The following KIRREL3 variants were observed in gnomAD, a reference collection of about 807,000 sequenced individuals.
KIRREL3 encodes kirre like nephrin family adhesion molecule 3, also known as kin of IRRE-like protein 3.
A neutral mutation model predicts 89.7 loss-of-function variants in KIRREL3; 36 were observed. That is an observed-to-expected ratio of 0.40 (90% CI 0.31 to 0.53). The LOEUF (loss-of-function observed/expected upper bound fraction) is 0.53, where lower values mean the gene tolerates loss of function less well. Among genes scored for constraint, KIRREL3 ranks in the 20% least tolerant of loss-of-function variants. The pLI, the probability that KIRREL3 is intolerant of heterozygous loss-of-function variation, is 0.49. For synonymous variants in KIRREL3, 445 were observed against 441.4 expected (o/e 1.01, Z -0.10); for missense variants, 864 against 1,056.6 (o/e 0.82, Z 2.53).
chr11:126,520,020 A>T lies in KIRREL3; in HGVS notation c.433+1295T>A, dbSNP rs1273525245. Among the ~76,000 whole-genome samples the T allele has an allele frequency of 6.6e-6, 1 of 152,120 alleles. No homozygotes were observed. Among genetic ancestry groups the T allele is most frequent in the Non-Finnish European group, 1.5e-5 (1 of 68,028 alleles). On this transcript the variant is annotated intron_variant, in intron 4 of 16. Coordinates refer to ENST00000525144, the MANE Select transcript of KIRREL3 (RefSeq NM_032531.4). The surrounding 1 kb of genome is among the most constrained non-coding windows in gnomAD (Gnocchi z 4.9). ...ACTCAAAGGTTGCAGGAGGTTTCTGAGGCTGGCCCCAAGTCCCTCCCCCGC... is the reference window on the plus strand; with the variant it reads ...ACTCAAAGGTTGCAGGAGGTTTCTGTGGCTGGCCCCAAGTCCCTCCCCCGC...
Position 126,432,964 on chromosome 11 carries a change from C to T in KIRREL3, c.1589-1438G>A, listed in dbSNP as rs184366215. Among the ~76,000 whole-genome samples the T allele has an allele frequency of 1.7e-3, 263 of 152,272 alleles. No individual in the cohort carries two copies. The highest frequency in any genetic ancestry group is 6.0e-3 in the African/African-American group (248 of 41,564). On this transcript the variant is annotated intron_variant, in intron 13 of 16. Transcript: ENST00000525144. The surrounding 1 kb of genome is among the most constrained non-coding windows in gnomAD (Gnocchi z 6.2). ...CACGATCTCAGTTCACTGCAACCTCCGCCTCCTGGGTTCAAGCGATTCTCC... is the reference window on the plus strand; with the variant it reads ...CACGATCTCAGTTCACTGCAACCTCTGCCTCCTGGGTTCAAGCGATTCTCC...
chr11:126,500,903 A>G (rs1957836954), intron 4 of KIRREL3, among the ~76,000 whole-genome samples: 1 of 152,224 alleles, frequency 6.6e-6, no homozygotes, highest in Non-Finnish European at 1.5e-5. Flanking sequence ...GAGTTCAAGT[A>G]TAATTTACTT....
rs1400356004 is a variant in KIRREL3, at chr11:126,905,540, G to T, written c.55+94915C>A. 1.3e-5 allele frequency among the ~76,000 whole-genome samples: 2 copies of T among 152,086 alleles called. No individual in the cohort carries two copies. Reference sequence around the variant, plus strand: ...TTCATCGCTCAGGGGTCAGAGGGTGGGGAGAGGGATCTTTCATTTTGGGCC... The same window carrying T: ...TTCATCGCTCAGGGGTCAGAGGGTGTGGAGAGGGATCTTTCATTTTGGGCC... On this transcript the variant is annotated intron_variant, in intron 1 of 16. Coordinates refer to ENST00000525144, the MANE Select transcript of KIRREL3 (RefSeq NM_032531.4). The surrounding 1 kb of genome is among the most constrained non-coding windows in gnomAD (Gnocchi z 5.0).
rs1293736035 is a variant in KIRREL3 at position 126,643,567 on chromosome 11, C to T, written c.56-80655G>A. Among the ~76,000 whole-genome samples the T allele has an allele frequency of 6.6e-6, 1 of 152,132 alleles. No individual in the cohort carries two copies. The highest frequency in any genetic ancestry group is 1.9e-4 in the East Asian group (1 of 5,188). On this transcript the variant is annotated intron_variant, in intron 1 of 16. Coordinates refer to ENST00000525144, the MANE Select transcript of KIRREL3 (RefSeq NM_032531.4). The surrounding 1 kb of genome is among the most constrained non-coding windows in gnomAD (Gnocchi z 4.5). Reference sequence around the variant, plus strand: ...AGGCGATATCATGGCAAATCTTTATCTCTACACTGATGATATAGACTTGAT... The same window carrying T: ...AGGCGATATCATGGCAAATCTTTATTTCTACACTGATGATATAGACTTGAT...
chr11:126,784,320 G>A (rs1180502208), intron 1 of KIRREL3, among the ~76,000 whole-genome samples: 1 of 152,210 alleles, frequency 6.6e-6, no homozygotes, highest in East Asian at 1.9e-4. Context: ...TGGGTGTGGG[G>A]TATATGGGAA....
At position 126,521,381 on chromosome 11, in the gene KIRREL3, C is replaced by G; in HGVS notation, c.367G>C (p.Ala123Pro). The change falls in exon 4 of 17, where the codon GCG (alanine) becomes CCG (proline). Residue 123 changes from alanine to proline, a missense_variant. By Grantham distance (27) the Ala-to-Pro change is conservative. Transcript: ENST00000525144. This position sits in a 1 kb window ranked among gnomAD's most constrained non-coding sequence, Gnocchi z 4.1. Reference protein sequence around the residue: ...KILRAELQDDAVYECQAIQAA... With the variant: ...KILRAELQDDPVYECQAIQAA... ...TGGATGGCCTGGCACTCGTACACCG[C>G]ATCGTCTTGCAGCTCTGCCCTCAGG... 3 of 1,562,516 alleles carry G rather than the reference C, an allele frequency of 1.9e-6. No homozygotes were observed. The highest frequency in any genetic ancestry group is 2.6e-6 in the Non-Finnish European group (3 of 1,153,530).
At position 126,865,260 on chromosome 11, in the gene KIRREL3, G is replaced by A. The variant is rs199563955; in HGVS notation, c.55+135195C>T. 2.6e-5 allele frequency among the ~76,000 whole-genome samples: 4 copies of A among 152,242 alleles called. No homozygotes were observed. In the East Asian group the frequency reaches 7.7e-4, roughly 29 times the overall value. On this transcript the variant is annotated intron_variant, in intron 1 of 16. Coordinates refer to ENST00000525144, the MANE Select transcript of KIRREL3 (RefSeq NM_032531.4). The stretch of plus-strand genomic sequence containing the variant: ...TCTAAACGTCAATGATTATTTCATC[G>A]GCTAAAAGCAAATTGACCAAGCTCA...
rs1421435419 is a variant in KIRREL3 at position 126,432,235 on chromosome 11, G to C, written c.1589-709C>G. Among the ~76,000 whole-genome samples the C allele has an allele frequency of 1.3e-5, 2 of 151,942 alleles. No homozygotes were observed. The highest frequency in any genetic ancestry group is 6.6e-5 in the Admixed American group (1 of 15,254). ...TCTGAGCATCCTTGCACCCCTCCTG[G>C]CAAGAGAGGCCCACACACTGGGCAG... On this transcript the variant is annotated intron_variant, in intron 13 of 16. Coordinates refer to ENST00000525144, the MANE Select transcript of KIRREL3 (RefSeq NM_032531.4). The surrounding 1 kb of genome is among the most constrained non-coding windows in gnomAD (Gnocchi z 6.2).
intron 1 of KIRREL3, among the ~76,000 whole-genome samples, chr11:126,866,204 G>A (rs1017704671): frequency 3.9e-5 from 6 of 152,166 alleles, no homozygotes; most frequent in Admixed American, 6.5e-5. Flanking sequence ...TAAACACTGC[G>A]GAGAAGCCAA....
At position 126,954,693 on chromosome 11, in the gene KIRREL3, C is replaced by T. The variant is rs1948873258; in HGVS notation, c.55+45762G>A. Among the ~76,000 whole-genome samples the T allele has an allele frequency of 6.6e-6, 1 of 152,168 alleles. No individual in the cohort carries two copies. Among genetic ancestry groups the T allele is most frequent in the Admixed American group, 6.5e-5 (1 of 15,280 alleles). ...CCTTAGAGGTCATCTAGTAGAATAT[C>T]ACAGGCAGTTCATTTTAACAGTAGT... On this transcript the variant is annotated intron_variant, in intron 1 of 16. Coordinates refer to ENST00000525144, the MANE Select transcript of KIRREL3 (RefSeq NM_032531.4). The surrounding 1 kb of genome is among the most constrained non-coding windows in gnomAD (Gnocchi z 4.1).
chr11:126,450,949 G>A (rs1054916228), intron 7 of KIRREL3, among the ~76,000 whole-genome samples: 3 of 151,370 alleles, frequency 2.0e-5, no homozygotes, highest in African/African-American at 4.9e-5. Flanking sequence ...GGGCGTGTGT[G>A]CATGTGTGAG....
intron 1 of KIRREL3, among the ~76,000 whole-genome samples, chr11:126,804,707 TA>T (rs968990700): frequency 1.3e-5 from 2 of 152,192 alleles, no homozygotes; most frequent in Non-Finnish European, 2.9e-5. Context: ...TCTTTTTGTT[TA>T]AAAAATTCAT....
chr11:126,491,996 C>G lies in KIRREL3; in HGVS notation c.434-18530G>C. Among the ~76,000 whole-genome samples, 1 of 152,170 alleles carries G rather than the reference C, an allele frequency of 6.6e-6. No homozygotes were observed. Among genetic ancestry groups the G allele is most frequent in the Non-Finnish European group, 1.5e-5 (1 of 68,034 alleles). On this transcript the variant is annotated intron_variant, in intron 4 of 16. Transcript: ENST00000525144. The surrounding 1 kb of genome is among the most constrained non-coding windows in gnomAD (Gnocchi z 5.5). ...GGATTACAGGTGTGAGCCACCACGC[C>G]TGGGAGATTTGGAGTATTGATAGAG...
chr11:126,577,290 G>A (rs1305553674), intron 1 of KIRREL3, among the ~76,000 whole-genome samples: 1 of 152,100 alleles, frequency 6.6e-6, no homozygotes, highest in African/African-American at 2.4e-5. Flanking sequence ...AACAAATTCA[G>A]TATCAGGACT....
intron 1 of KIRREL3, among the ~76,000 whole-genome samples, chr11:126,836,025 A>C (rs553492138): frequency 7.2e-5 from 11 of 152,324 alleles, no homozygotes; most frequent in South Asian, 6.2e-4. Context: ...GGAAAGTAAC[A>C]TGTCCTGACT....
chr11:126,779,165 C>T (rs572809772), intron 1 of KIRREL3, among the ~76,000 whole-genome samples: 42 of 152,324 alleles, frequency 2.8e-4, no homozygotes, highest in African/African-American at 6.5e-4. Flanking sequence ...GCTTACACAT[C>T]TTCAGGTGCT....
chr11:126,663,128 T>C (rs1013769387), intron 1 of KIRREL3, among the ~76,000 whole-genome samples: 1 of 149,448 alleles, frequency 6.7e-6, no homozygotes, highest in East Asian at 2.0e-4. Flanking sequence ...ATGGGGAGTG[T>C]GGAGTGTGAG....
In KIRREL3 at chr11:126,764,866, ACT is replaced by A; in HGVS notation, c.56-201956_56-201955del. 6.6e-6 allele frequency among the ~76,000 whole-genome samples: 1 copy of A among 151,942 alleles called. No individual in the cohort carries two copies. Among genetic ancestry groups the A allele is most frequent in the South Asian group, 2.1e-4 (1 of 4,798 alleles). On this transcript the variant is annotated intron_variant, in intron 1 of 16. Coordinates refer to ENST00000525144, the MANE Select transcript of KIRREL3 (RefSeq NM_032531.4). The surrounding 1 kb of genome is among the most constrained non-coding windows in gnomAD (Gnocchi z 4.2). ...ACTAGGCCTTTGGCAGGAGTCCTCT[ACT>A]CTCGGCCTGGATCCTCTTCAATGAA...
At chr11:126,949,380 T>C (rs1191149069) in intron 1 of KIRREL3, among the ~76,000 whole-genome samples, 1 of 152,200 alleles carries the variant, frequency 6.6e-6, no homozygotes, top group Non-Finnish European at 1.5e-5. Context: ...AGGGACTTTA[T>C]GTGATTAGTA....
Sources: gnomAD v4.1 joint callset for allele counts (sites outside exome capture counted in the v4.1 genomes callset) on GRCh38, gnomAD v4.1.1 for gene constraint, Gnocchi (gnomAD v3.1) non-coding constraint, MANE v1.5 for transcripts, NCBI Gene and HGNC (gene_info 2026-07-23, HGNC 2026-07-21) for gene names.